CPSF3: variants seen among roughly 807,000 people sequenced by gnomAD.
CPSF3 encodes the protein cleavage and polyadenylation specific factor 3, also known as cleavage and polyadenylation specificity factor subunit 3.
In CPSF3, 57 loss-of-function variants were observed where a neutral mutation model predicts 84.1. The observed-to-expected ratio is 0.68, with a 90% CI of 0.55 to 0.85. The LOEUF is 0.85. CPSF3 is among the 40% of genes least tolerant of loss of function. The pLI is 0.00. For synonymous variants in CPSF3, 275 were observed against 278.1 expected (o/e 0.99, Z 0.11); for missense variants, 522 against 838.8 (o/e 0.62, Z 4.66).
intron 15 of CPSF3, among the ~76,000 whole-genome samples, chr2:9,466,311 C>G (rs1421078689): frequency 1.2e-5 from 1 of 86,424 alleles, no homozygotes; most frequent in Admixed American, 1.0e-4. Flanking sequence ...CACACGCACA[C>G]TGACGCACGC....
chr2:9,438,224 A>T (rs984993895), intron 7 of CPSF3, among the ~76,000 whole-genome samples: 2 of 152,234 alleles, frequency 1.3e-5, no homozygotes, highest in Non-Finnish European at 2.9e-5. Context: ...CTAGAAGCTG[A>T]ATTTCCCAAA....
intron 10 of CPSF3, 151 bp downstream of exon 10, chr2:9,443,812 T>C (rs1681035823): frequency 1.3e-6 from 1 of 764,300 alleles, no homozygotes; most frequent in Non-Finnish European, 2.1e-6. Flanking sequence ...GATTTGGCCT[T>C]TACAACTCCC....
chr2:9,454,186 G>T (rs1681432427), intron 12 of CPSF3, among the ~76,000 whole-genome samples: 1 of 152,096 alleles, frequency 6.6e-6, no homozygotes, highest in South Asian at 2.1e-4. Context: ...GAGGTGGGCA[G>T]ATCACAAGGT....
At chr2:9,423,848 T>G (rs1680213243) in intron 1 of CPSF3, 25 bp downstream of exon 1, 2 of 1,609,174 alleles carry the variant, frequency 1.2e-6, no homozygotes, top group South Asian at 2.2e-5. Flanking sequence ...AGAGAGGGAA[T>G]GAAGCCACGG....
chr2:9,463,889 G>A (rs928998381), intron 15 of CPSF3, among the ~76,000 whole-genome samples: 1 of 152,280 alleles, frequency 6.6e-6, no homozygotes, highest in African/African-American at 2.4e-5. Flanking sequence ...GCGACCCTGT[G>A]GTTTACAAAG....
At chr2:9,425,715 G>T (rs1047096888) in intron 1 of CPSF3, among the ~76,000 whole-genome samples, 1 of 151,826 alleles carries the variant, frequency 6.6e-6, no homozygotes, top group Non-Finnish European at 1.5e-5. Flanking sequence ...TTGGGAATTT[G>T]GTTGTTTCGT....
At chr2:9,443,316 T>A (rs367753594) in intron 9 of CPSF3, among the ~76,000 whole-genome samples, 199 bp from the exon 10 acceptor site, 1 of 152,182 alleles carries the variant, frequency 6.6e-6, no homozygotes, top group Non-Finnish European at 1.5e-5. Context: ...TTTAGTTAAT[T>A]TGTTTACTTT....
intron 12 of CPSF3, among the ~76,000 whole-genome samples, chr2:9,454,859 A>C (rs1014999081): frequency 6.6e-6 from 1 of 151,972 alleles, no homozygotes; most frequent in Non-Finnish European, 1.5e-5. Context: ...TCTTACTCTT[A>C]TGCCACATAG....
chr2:9,467,098 C>T (rs1435527743), intron 15 of CPSF3, among the ~76,000 whole-genome samples: 1 of 152,188 alleles, frequency 6.6e-6, no homozygotes, highest in African/African-American at 2.4e-5. Context: ...GCTCTGCACT[C>T]TTTTGCTACT....
In CPSF3 at chr2:9,471,369, G is replaced by C; in HGVS notation, c.1883G>C (p.Ser628Thr). 1 of 1,611,942 alleles carries C rather than the reference G, an allele frequency of 6.2e-7. No individual in the cohort carries two copies. The highest frequency in any genetic ancestry group is 8.5e-7 in the Non-Finnish European group (1 of 1,178,078). ...GACATATTTGGAGAAGACTGTGTAA[G>C]TGTAAAGGATGACTCTATTCTTAGC... ...LQDIFGEDCV[S>T]VKDDSILSVT... Residue 628 changes from serine to threonine, a missense_variant, in exon 17 of 18, where the codon AGT becomes ACT. Ser to Thr is a moderately conservative substitution (Grantham distance 58, BLOSUM62 1). This residue lies in a region of CPSF3 where 193 missense variants were observed against 231.6 expected (regional missense o/e 0.83). Coordinates refer to ENST00000238112, the MANE Select transcript of CPSF3 (RefSeq NM_016207.4).
At chr2:9,441,090 A>G (rs61398270) in intron 8 of CPSF3, among the ~76,000 whole-genome samples, 12,322 of 152,222 alleles carry the variant, frequency 0.081, 1,650 homozygotes, top group African/African-American at 0.28. Context: ...GAGGAGAAAA[A>G]TATTTTGTAT....
At chr2:9,429,552 A>G (rs1680503972) in intron 2 of CPSF3, among the ~76,000 whole-genome samples, 1 of 152,184 alleles carries the variant, frequency 6.6e-6, no homozygotes, top group Admixed American at 6.5e-5. Context: ...TCCCATTTCT[A>G]ATTATTATCT....
At chr2:9,436,471 C>T (rs1020143052) in intron 7 of CPSF3, 110 bp downstream of exon 7, 2 of 1,246,748 alleles carry the variant, frequency 1.6e-6, no homozygotes, top group African/African-American at 3.0e-5. Context: ...CAGTTTTCTT[C>T]ATTTAAAAAT....
intron 1 of CPSF3, among the ~76,000 whole-genome samples, chr2:9,426,402 G>C (rs1322301149): frequency 8.5e-5 from 13 of 152,290 alleles, no homozygotes; most frequent in Admixed American, 7.8e-4. Context: ...GCAAGTACGG[G>C]GCATGTGGTG....
At chr2:9,444,160 T>TATATATATATA (rs1460239502) in intron 10 of CPSF3, among the ~76,000 whole-genome samples, 18 of 115,896 alleles carry the variant, frequency 1.6e-4, no homozygotes, top group South Asian at 2.9e-4. Context: ...ATATATATAT[T>TATATATATATA]TTTTTTTTTT....
At chr2:9,467,819 G>A (rs767463610) in intron 16 of CPSF3, 43 bp downstream of exon 16, 5 of 1,515,772 alleles carry the variant, frequency 3.3e-6, no homozygotes, top group African/African-American at 1.4e-5. Flanking sequence ...CAGTGACAGC[G>A]GCCGGAAGGA....
chr2:9,445,797 T>C (rs532325999), intron 10 of CPSF3, among the ~76,000 whole-genome samples: 1 of 152,392 alleles, frequency 6.6e-6, no homozygotes, highest in Admixed American at 6.5e-5. Context: ...TTGAACTTCA[T>C]GCTCATTTTC....
chr2:9,463,849 C>T (rs949835422), intron 15 of CPSF3, among the ~76,000 whole-genome samples: 1 of 152,184 alleles, frequency 6.6e-6, no homozygotes, highest in African/African-American at 2.4e-5. Flanking sequence ...CTCTTTCCTG[C>T]TACAGCAGCA....
Position 9,442,122 on chromosome 2 carries a change from A to T in CPSF3, c.1095+146A>T, listed in dbSNP as rs1355139242. ...TGAGGACGGGAATAGGTAGCTAGAG[A>T]TGTGCGTAGGATGTAGAATTATGCA... is the stretch of plus-strand genomic sequence containing the variant. On this transcript the variant is annotated intron_variant, in intron 9 of 17. Coordinates refer to ENST00000238112, the MANE Select transcript of CPSF3 (RefSeq NM_016207.4). 7 of 775,406 alleles carry T rather than the reference A, an allele frequency of 9.0e-6. No homozygotes were observed. The East Asian group carries it at 1.8e-4, about 20-fold the overall frequency. The allele number at this position is 775,406 out of a possible 1,614,324, so 48.0% of individuals were successfully genotyped here. A position where few individuals can be genotyped will look rare whatever the true frequency, so the allele number is the denominator to read the frequency against.
Sources: gnomAD v4.1 joint callset for allele counts (sites outside exome capture counted in the v4.1 genomes callset) on GRCh38, gnomAD v4.1.1 for gene constraint, gnomAD v4.1.1 regional missense constraint, MANE v1.5 for transcripts, NCBI Gene and HGNC (gene_info 2026-07-23, HGNC 2026-07-21) for gene names.